The following MKNK2 variants were observed in gnomAD, a reference collection of about 807,000 sequenced individuals.
MKNK2 encodes MAP kinase-interacting serine/threonine-protein kinase 2.
In MKNK2, 54 loss-of-function variants were observed where a neutral mutation model predicts 55.0. The ratio of observed to expected loss-of-function variants is 0.98; its 90% CI spans 0.79 to 1.23. MKNK2 has a LOEUF of 1.23. Ranked by LOEUF, MKNK2 falls within the 50% of genes most tolerant of loss-of-function variation. The pLI is 0.00. For synonymous variants in MKNK2, 323 were observed against 256.0 expected (o/e 1.26, Z -2.50); for missense variants, 685 against 632.1 (o/e 1.08, Z -0.90).
intron 5 of MKNK2, among the ~76,000 whole-genome samples, chr19:2,045,285 C>T (rs2016973270): frequency 6.6e-6 from 1 of 152,114 alleles, no homozygotes; most frequent in Non-Finnish European, 1.5e-5. Flanking sequence ...CCTCAGTGTC[C>T]CTATCTGTCA....
Position 2,040,936 on chromosome 19 carries a change from T to C in MKNK2, c.1110+104A>G, listed in dbSNP as rs377695712. ...GCCTGTGCTCTCAAGCCTCAGTGCATCTCAGGGTGTCCAGGCTACACCCTC... is the reference window on the plus strand; with the variant it reads ...GCCTGTGCTCTCAAGCCTCAGTGCACCTCAGGGTGTCCAGGCTACACCCTC... On this transcript the variant is annotated intron_variant, in intron 12 of 13. Coordinates refer to ENST00000250896, the MANE Select transcript of MKNK2 (RefSeq NM_199054.3). The C allele has an allele frequency of 5.8e-5, 66 of 1,130,248 alleles. No individual in the cohort carries two copies. The East Asian group carries it at 1.4e-3, about 24-fold the overall frequency. The allele number at this position is 1,130,248 out of a possible 1,614,324, so 70.0% of individuals were successfully genotyped here. A position where few individuals can be genotyped will look rare whatever the true frequency, so the allele number is the denominator to read the frequency against.
Position 2,038,296 on chromosome 19 carries a change from A to AC in MKNK2, c.*1316dup, listed in dbSNP as rs778941100. On this transcript the variant is annotated 3_prime_UTR_variant, in exon 14 of 14. Transcript: ENST00000250896. ...AAACTAAACAGGAGGAAGAATCCCG[A>AC]CCGCGGATTTAGAAGCCAGAGGGGC... 27 of 986,412 alleles carry AC rather than the reference A, an allele frequency of 2.7e-5. No homozygotes were observed. Among genetic ancestry groups the AC allele is most frequent in the Non-Finnish European group, 3.1e-5 (26 of 830,420 alleles). The allele number at this position is 986,412 out of a possible 1,614,324, so 61.1% of individuals were successfully genotyped here. A position where few individuals can be genotyped will look rare whatever the true frequency, so the allele number is the denominator to read the frequency against.
At chr19:2,043,662 G>A (rs768118978) in intron 5 of MKNK2, 80 bp from the exon 6 acceptor site, 122 of 1,279,262 alleles carry the variant, frequency 9.5e-5, no homozygotes, top group Middle Eastern at 9.2e-4. Context: ...CCACTGCCAC[G>A]GCTGGAATTC....
At chr19:2,048,204 G>C (rs1384058286) in intron 2 of MKNK2, among the ~76,000 whole-genome samples, 1 of 152,120 alleles carries the variant, frequency 6.6e-6, no homozygotes, top group African/African-American at 2.4e-5. Flanking sequence ...TTCAAATCCA[G>C]GCCTGTTGCA....
At chr19:2,046,581 C>A in intron 3 of MKNK2, 23 bp downstream of exon 3, 1 of 1,556,614 alleles carries the variant, frequency 6.4e-7, no homozygotes, top group Non-Finnish European at 8.7e-7. Flanking sequence ...GCCCTGTGCC[C>A]TCCTCCCCCT....
At position 2,042,534 on chromosome 19, in the gene MKNK2, CA is replaced by C. The variant is rs778545056; in HGVS notation, c.655-13del. The C allele has an allele frequency of 8.2e-6, 13 of 1,588,782 alleles. No individual in the cohort carries two copies. The highest frequency in any genetic ancestry group is 1.8e-5 in the Admixed American group (1 of 54,354). On this transcript the variant is annotated splice_polypyrimidine_tract_variant and intron_variant, in intron 9 of 13. Transcript: ENST00000250896. The stretch of plus-strand genomic sequence containing the variant: ...TTCACGGGGGAGACCTGGGAGGGGC[CA>C]AAAGGTCCGTGAGCCTGGGGTCCCA...
intron 2 of MKNK2, among the ~76,000 whole-genome samples, chr19:2,048,726 C>A (rs1185665867): frequency 6.6e-6 from 1 of 152,134 alleles, no homozygotes; most frequent in Non-Finnish European, 1.5e-5. Context: ...CCAAGCTGCC[C>A]TCCTGCCTCC....
At chr19:2,049,357 C>T (rs1453341904) in intron 2 of MKNK2, among the ~76,000 whole-genome samples, 2 of 152,200 alleles carry the variant, frequency 1.3e-5, no homozygotes, top group East Asian at 1.9e-4. Context: ...AGGGAGCAGC[C>T]GTGCATGGTG....
rs777090915 is a variant in MKNK2 at position 2,043,594 on chromosome 19, G to C, written c.340-12C>G. On this transcript the variant is annotated splice_polypyrimidine_tract_variant and intron_variant, in intron 5 of 13. Transcript: ENST00000250896. ...TGCTTCTCAATGATCTGAAACAGGC[G>C]AAAGGACACAGCACCTGGGTTGGTG... is the stretch of plus-strand genomic sequence containing the variant. 6 of 1,613,406 alleles carry C rather than the reference G, an allele frequency of 3.7e-6. No homozygotes were observed. The East Asian group carries it at 1.1e-4, about 30-fold the overall frequency.
Position 2,042,796 on chromosome 19 carries a change from C to A in MKNK2, c.568G>T (p.Ala190Ser). 6.3e-7 allele frequency: 1 copy of A among 1,580,922 alleles called. No individual in the cohort carries two copies. Among genetic ancestry groups the A allele is most frequent in the Admixed American group, 1.8e-5 (1 of 54,956 alleles). The change falls in exon 8 of 14, where the codon GCC becomes TCC. Residue 190 changes from alanine (A) to serine (S), a missense_variant. By Grantham distance (99) the Ala-to-Ser change is moderately conservative (BLOSUM62 1). Transcript: ENST00000250896. ...TTATGCAGAAAGTCCAAGGCGCTGG[C>A]CACGTCCTGCACCACCACGCTGGCC... ...LEASVVVQDV[A>S]SALDFLHNKG...
intron 5 of MKNK2, among the ~76,000 whole-genome samples, chr19:2,045,159 C>T (rs2016970585): frequency 6.6e-6 from 1 of 152,122 alleles, no homozygotes; most frequent in South Asian, 2.1e-4. Context: ...TCTGCAGATC[C>T]CAACACTGAC....
In MKNK2 at chr19:2,050,875, G is replaced by A. The variant is rs1164846710; in HGVS notation, c.-24C>T. 1.3e-6 allele frequency: 2 copies of A among 1,511,128 alleles called. No individual in the cohort carries two copies. The highest frequency in any genetic ancestry group is 2.1e-5 in the Admixed American group (1 of 46,856). The allele number at this position is 1,511,128 out of a possible 1,614,324, so 93.6% of individuals were successfully genotyped here. ...ATCTTCTGTCCGGGCCCCGCCAGCG[G>A]GGGAGGGGACCGAGGGCCCGGGGGG... On this transcript the variant is annotated 5_prime_UTR_variant, in exon 2 of 14. Coordinates refer to ENST00000250896, the MANE Select transcript of MKNK2 (RefSeq NM_199054.3).
chr19:2,050,537 G>A (rs1017301502), intron 2 of MKNK2, among the ~76,000 whole-genome samples: 14 of 152,316 alleles, frequency 9.2e-5, no homozygotes, highest in Middle Eastern at 3.4e-3. Context: ...TGACCCGGAG[G>A]GGGCTCCTGC....
At chr19:2,043,975 CAAAAAAAAAAAAAAAAAAA>C (rs34533507) in intron 5 of MKNK2, among the ~76,000 whole-genome samples, 1 of 23,830 alleles carries the variant, frequency 4.2e-5, no homozygotes, top group Non-Finnish European at 8.2e-5. Context: ...GACTTCGCCT[CAAAAAAAAAAAAAAAAAAA>C]AAAAAAAAAA....
rs549982805 is a variant in MKNK2 at position 2,048,002 on chromosome 19, C to T, written c.52-1311G>A. On this transcript the variant is annotated intron_variant, in intron 2 of 13. Transcript: ENST00000250896. The stretch of plus-strand genomic sequence containing the variant: ...CCCCAACCCCGCAGCTACCAGTTAC[C>T]GAGTCAGTATACACAGTGCTGTACT... Among the ~76,000 whole-genome samples the T allele has an allele frequency of 3.9e-5, 6 of 152,208 alleles. No individual in the cohort carries two copies. In the East Asian group the frequency reaches 7.7e-4, roughly 20 times the overall value.
rs2145681728 is a variant in MKNK2, at chr19:2,039,109, G to A, written c.*504C>T. Reference sequence around the variant, plus strand: ...TCCCTTCCCCAACCAAGCCACCAGGGGTGCTCTCAGGGTGAGGGATAGAGG... The same window carrying A: ...TCCCTTCCCCAACCAAGCCACCAGGAGTGCTCTCAGGGTGAGGGATAGAGG... On this transcript the variant is annotated 3_prime_UTR_variant, in exon 14 of 14. Coordinates refer to ENST00000250896, the MANE Select transcript of MKNK2 (RefSeq NM_199054.3). 5.1e-6 allele frequency: 5 copies of A among 987,952 alleles called. No homozygotes were observed. Among genetic ancestry groups the A allele is most frequent in the Non-Finnish European group, 6.0e-6 (5 of 831,316 alleles). 61.2% of individuals were successfully genotyped at this position (987,952 alleles called of 1,614,324 possible).
At chr19:2,042,227 C>A in intron 10 of MKNK2, 193 bp from the exon 11 acceptor site, 1 of 724,398 alleles carries the variant, frequency 1.4e-6, no homozygotes, top group Non-Finnish European at 2.1e-6. Flanking sequence ...GCCGCGGCCC[C>A]GCCCCACCCG....
In MKNK2 at chr19:2,039,372, C is replaced by T. The variant is rs1366907450; in HGVS notation, c.*241G>A. ...CACCCACCTACCCTCTGCTCACCTT[C>T]CCGGGTGCCTGCAATGCTTTTAACC... On this transcript the variant is annotated 3_prime_UTR_variant, in exon 14 of 14. Transcript: ENST00000250896. 8.7e-6 allele frequency: 12 copies of T among 1,383,300 alleles called. No individual in the cohort carries two copies. The highest frequency in any genetic ancestry group is 1.0e-5 in the Non-Finnish European group (11 of 1,069,616). The allele number at this position is 1,383,300 out of a possible 1,614,324, so 85.7% of individuals were successfully genotyped here.
Position 2,039,155 on chromosome 19 carries a change from T to C in MKNK2, c.*458A>G. ...AGAGGGGAAGAGCCTGTCCCTGAAA[T>C]ACTGCGGGCTGGGAGGGAACACGAG... On this transcript the variant is annotated 3_prime_UTR_variant, in exon 14 of 14. Coordinates refer to ENST00000250896, the MANE Select transcript of MKNK2 (RefSeq NM_199054.3). 1.0e-6 allele frequency: 1 copy of C among 995,352 alleles called. No individual in the cohort carries two copies. The highest frequency in any genetic ancestry group is 1.2e-6 in the Non-Finnish European group (1 of 836,088). The allele number at this position is 995,352 out of a possible 1,614,324, so 61.7% of individuals were successfully genotyped here.
Sources: allele counts gnomAD v4.1 joint callset (sites outside exome capture counted in the v4.1 genomes callset), GRCh38; gene constraint gnomAD v4.1.1; transcripts MANE v1.5; gene names NCBI Gene and HGNC (gene_info 2026-07-23, HGNC 2026-07-21).